LSAMP: variants seen among roughly 807,000 people sequenced by gnomAD.
The protein encoded by LSAMP is limbic system associated membrane protein, also known as limbic system-associated membrane protein.
Under a neutral mutation model 38.6 loss-of-function variants are expected in LSAMP, and 7 were observed. That is an observed-to-expected ratio of 0.18 (90% CI 0.10 to 0.34). The LOEUF is 0.34. LSAMP is among the 10% of genes least tolerant of loss of function. The pLI, the probability that LSAMP is intolerant of heterozygous loss-of-function variation, is 1.00. For missense variants in LSAMP, 313 were observed against 420.0 expected, an observed-to-expected ratio of 0.75 and a Z score of 2.23; for synonymous variants, 154 against 166.8, an observed-to-expected ratio of 0.92 and a Z score of 0.59.
At chr3:115,906,083 C>T (rs1280961260) in intron 3 of LSAMP, among the ~76,000 whole-genome samples, 1 of 152,076 alleles carries the variant, frequency 6.6e-6, no homozygotes, top group Non-Finnish European at 1.5e-5. Context: ...TTAGAGCTTC[C>T]ATCCAGACTA....
chr3:116,164,632 T>TATATATATATAATCCAA, intron 1 of LSAMP, among the ~76,000 whole-genome samples: 1 of 126,674 alleles, frequency 7.9e-6, no homozygotes, highest in East Asian at 2.1e-4. Context: ...AATCCAAATA[T>TATATATATATAATCCAA]ATATATATAT....
Position 115,998,817 on chromosome 3 carries a change from C to T in LSAMP, c.514+20698G>A, listed in dbSNP as rs560321430. 4.6e-5 allele frequency among the ~76,000 whole-genome samples: 7 copies of T among 152,216 alleles called. No individual in the cohort carries two copies. In the East Asian group the frequency reaches 7.7e-4, roughly 17 times the overall value. On this transcript the variant is annotated intron_variant, in intron 3 of 6. Transcript: ENST00000490035. ...GAACCCAGTTCTCCCATCTCCCGCC[C>T]GTGTTCCGACAGCCTGCCTGGTAGG...
At chr3:116,121,792 C>T (rs774653911) in intron 1 of LSAMP, among the ~76,000 whole-genome samples, 2 of 152,134 alleles carry the variant, frequency 1.3e-5, no homozygotes, top group Non-Finnish European at 2.9e-5. Context: ...GTCCAACCCG[C>T]ACCCTGTAGG....
intron 2 of LSAMP, among the ~76,000 whole-genome samples, chr3:116,029,194 A>G (rs1940862443): frequency 6.6e-6 from 1 of 152,176 alleles, no homozygotes; most frequent in Non-Finnish European, 1.5e-5. Flanking sequence ...CTGAAGCCTT[A>G]GACCTTGTAG....
intron 1 of LSAMP, among the ~76,000 whole-genome samples, chr3:116,223,071 T>G (rs1417124005): frequency 2.0e-5 from 3 of 152,016 alleles, no homozygotes; most frequent in African/African-American, 4.8e-5. Flanking sequence ...GGGTGTAAAG[T>G]ATTCTCTAGT....
chr3:116,314,115 T>C (rs1251349022), intron 1 of LSAMP, among the ~76,000 whole-genome samples: 1 of 152,228 alleles, frequency 6.6e-6, no homozygotes, highest in Non-Finnish European at 1.5e-5. Flanking sequence ...TTAAGATTGC[T>C]CAGCTAGTTT....
At chr3:116,194,946 A>T (rs1276365300) in intron 1 of LSAMP, among the ~76,000 whole-genome samples, 1 of 152,228 alleles carries the variant, frequency 6.6e-6, no homozygotes, top group African/African-American at 2.4e-5. Context: ...TCTAAAAGTT[A>T]TTCTTCATTC....
intron 1 of LSAMP, among the ~76,000 whole-genome samples, chr3:116,237,928 A>C (rs2046486303): frequency 6.6e-6 from 1 of 152,196 alleles, no homozygotes; most frequent in African/African-American, 2.4e-5. Flanking sequence ...CACTATTGAC[A>C]TTTTGGAATG....
chr3:115,912,590 C>T (rs777418851), intron 3 of LSAMP, among the ~76,000 whole-genome samples: 2 of 152,206 alleles, frequency 1.3e-5, no homozygotes, highest in Non-Finnish European at 2.9e-5. Flanking sequence ...TGCGTCATTG[C>T]AGCCACATGA....
At chr3:115,923,971 C>A (rs1041463038) in intron 3 of LSAMP, among the ~76,000 whole-genome samples, 1 of 152,062 alleles carries the variant, frequency 6.6e-6, no homozygotes, top group East Asian at 1.9e-4. Context: ...ATTCATGATG[C>A]CTATTTTTTT....
chr3:115,934,202 A>T (rs1420491785), intron 3 of LSAMP, among the ~76,000 whole-genome samples: 3 of 148,008 alleles, frequency 2.0e-5, no homozygotes, highest in African/African-American at 7.5e-5. Context: ...TTTTTCAGTC[A>T]GAGTGTCACT....
At chr3:116,170,250 C>T (rs1439210115) in intron 1 of LSAMP, among the ~76,000 whole-genome samples, 1 of 150,908 alleles carries the variant, frequency 6.6e-6, no homozygotes, top group Non-Finnish European at 1.5e-5. Context: ...AGTCACAATG[C>T]CTATCAATTG....
At chr3:115,882,590 TAA>T (rs1278850189) in intron 3 of LSAMP, among the ~76,000 whole-genome samples, 1 of 152,132 alleles carries the variant, frequency 6.6e-6, no homozygotes. Flanking sequence ...TGAAATGGCA[TAA>T]GAGAGTATAC....
At chr3:116,387,301 CCTGA>C (rs2048637732) in intron 1 of LSAMP, among the ~76,000 whole-genome samples, 3 of 151,998 alleles carry the variant, frequency 2.0e-5, no homozygotes, top group Non-Finnish European at 2.9e-5. Context: ...AATGCCCAAG[CCTGA>C]CTATTTATAA....
At chr3:115,839,912 A>G (rs1157357051) in intron 6 of LSAMP, among the ~76,000 whole-genome samples, 2 of 152,062 alleles carry the variant, frequency 1.3e-5, no homozygotes, top group Non-Finnish European at 1.5e-5. Flanking sequence ...ACATTTCTCA[A>G]TTTTTCTGGG....
intron 1 of LSAMP, among the ~76,000 whole-genome samples, chr3:116,343,647 C>T (rs930784964): frequency 2.0e-5 from 3 of 152,008 alleles, no homozygotes. Flanking sequence ...TCACTGATAG[C>T]GTGGGTCTCT....
chr3:116,350,508 G>C (rs1207611212), intron 1 of LSAMP, among the ~76,000 whole-genome samples: 1 of 151,968 alleles, frequency 6.6e-6, no homozygotes, highest in East Asian at 1.9e-4. Flanking sequence ...ATCTTGTTCT[G>C]TCCTGCCTGG....
At chr3:116,223,106 C>A (rs1464920687) in intron 1 of LSAMP, among the ~76,000 whole-genome samples, 5 of 151,750 alleles carry the variant, frequency 3.3e-5, no homozygotes, top group Non-Finnish European at 7.4e-5. Flanking sequence ...GCCAAGAAAG[C>A]AAATTAAGGA....
intron 2 of LSAMP, among the ~76,000 whole-genome samples, chr3:116,042,451 G>A (rs1474553700): frequency 7.3e-6 from 1 of 137,306 alleles, no homozygotes; most frequent in South Asian, 2.2e-4. Flanking sequence ...TTTTTTTTGA[G>A]ACAGTGTCTT....
Sources: gnomAD v4.1 joint callset for allele counts (sites outside exome capture counted in the v4.1 genomes callset) on GRCh38, gnomAD v4.1.1 for gene constraint, MANE v1.5 for transcripts, NCBI Gene and HGNC (gene_info 2026-07-23, HGNC 2026-07-21) for gene names.